The following PKHD1L1 variants were observed in gnomAD, a reference collection of about 807,000 sequenced individuals.
PKHD1L1 encodes the protein PKHD1 like 1, also known as fibrocystin-L.
Under a neutral mutation model 462.9 loss-of-function variants are expected in PKHD1L1, and 434 were observed. That is an observed-to-expected ratio of 0.94 (90% CI 0.87 to 1.02). PKHD1L1 has a LOEUF of 1.02. Among genes scored for constraint, PKHD1L1 ranks in the 50% least tolerant of loss-of-function variants. The pLI is 0.00. For missense variants in PKHD1L1, 5,202 were observed against 5,096.1 expected (o/e 1.02, Z -0.63); for synonymous variants, 1,781 against 1,750.0 (o/e 1.02, Z -0.44).
chr8:109,436,336 A>G lies in PKHD1L1; in HGVS notation c.3506-2A>G, dbSNP rs749914498. 6.2e-6 allele frequency: 10 copies of G among 1,606,364 alleles called. No individual in the cohort carries two copies. The South Asian group carries it at 1.1e-4, about 18-fold the overall frequency. ...TTGTTTTTGTTTGCTTTTCTTATGA[A>G]GGTGGTACTCTACTGACTTTATCTG... On this transcript the variant is annotated splice_acceptor_variant, in intron 29 of 77. Transcript: ENST00000378402. LOFTEE classifies it high-confidence loss of function.
At chr8:109,417,315 A>C (rs1814229119) in intron 21 of PKHD1L1, among the ~76,000 whole-genome samples, 1 of 152,182 alleles carries the variant, frequency 6.6e-6, no homozygotes, top group Non-Finnish European at 1.5e-5. Context: ...GTACCCCACA[A>C]ATATATACAC....
At chr8:109,389,647 C>T (rs919722603) in intron 8 of PKHD1L1, among the ~76,000 whole-genome samples, 12 of 152,028 alleles carry the variant, frequency 7.9e-5, no homozygotes, top group Admixed American at 5.2e-4. Flanking sequence ...TGTGCCTCAG[C>T]TTCCCGAGTA....
chr8:109,396,225 C>T, intron 11 of PKHD1L1, 88 bp downstream of exon 11: 1 of 937,568 alleles, frequency 1.1e-6, no homozygotes, highest in Non-Finnish European at 1.6e-6. Flanking sequence ...ATAGTCTTTT[C>T]TCAACTCATG....
At chr8:109,389,599 C>G (rs923619195) in intron 8 of PKHD1L1, among the ~76,000 whole-genome samples, 1 of 151,460 alleles carries the variant, frequency 6.6e-6, no homozygotes, top group Non-Finnish European at 1.5e-5. Flanking sequence ...GTGATCTTGG[C>G]TTACTGCAAC....
intron 2 of PKHD1L1, among the ~76,000 whole-genome samples, chr8:109,375,673 G>A (rs564740846): frequency 3.3e-5 from 5 of 152,186 alleles, no homozygotes; most frequent in Non-Finnish European, 4.4e-5. Context: ...GTACAGATGG[G>A]TTTTTGGTGT....
rs1821119552 is a variant in PKHD1L1 at position 109,535,132 on chromosome 8, G to A, written c.*5042G>A. 6.6e-6 allele frequency among the ~76,000 whole-genome samples: 1 copy of A among 151,852 alleles called. No homozygotes were observed. Among genetic ancestry groups the A allele is most frequent in the African/African-American group, 2.4e-5 (1 of 41,340 alleles). Reference sequence around the variant, plus strand: ...CAGCCTTAATGTTTGAAGTAGCAGTGTATAAAATTCACACCCAGTTATAGA... The same window carrying A: ...CAGCCTTAATGTTTGAAGTAGCAGTATATAAAATTCACACCCAGTTATAGA... On this transcript the variant is annotated 3_prime_UTR_variant, in exon 78 of 78. Coordinates refer to ENST00000378402, the MANE Select transcript of PKHD1L1 (RefSeq NM_177531.6).
Position 109,362,654 on chromosome 8 carries a change from G to A in PKHD1L1, c.73+1G>A. 2 of 1,599,048 alleles carry A rather than the reference G, an allele frequency of 1.3e-6. No homozygotes were observed. The highest frequency in any genetic ancestry group is 1.7e-6 in the Non-Finnish European group (2 of 1,172,752). ...CTGTGTGCCGCGGATCCCAGCACAG[G>A]TAACCCTTTGGGCACGCTAGGCAGG... On this transcript the variant is annotated splice_donor_variant, in intron 1 of 77. Transcript: ENST00000378402. LOFTEE classifies it high-confidence loss of function.
intron 16 of PKHD1L1, among the ~76,000 whole-genome samples, chr8:109,406,027 GTTAA>G (rs1255419728): frequency 6.6e-6 from 1 of 152,044 alleles, no homozygotes; most frequent in East Asian, 1.9e-4. Context: ...TGCTACTACT[GTTAA>G]TTGTTTTAAC....
At chr8:109,394,875 C>T (rs1046507462) in intron 10 of PKHD1L1, among the ~76,000 whole-genome samples, 1 of 152,162 alleles carries the variant, frequency 6.6e-6, no homozygotes, top group Non-Finnish European at 1.5e-5. Flanking sequence ...ATTATTACAT[C>T]GAAAATGCAT....
chr8:109,382,706 T>G, intron 4 of PKHD1L1, 135 bp downstream of exon 4: 1 of 535,946 alleles, frequency 1.9e-6, no homozygotes, highest in Non-Finnish European at 3.1e-6. Flanking sequence ...AAGGATAATT[T>G]CCCTCAATTT....
chr8:109,466,541 T>G (rs772559720), intron 49 of PKHD1L1, 37 bp from the exon 50 acceptor site: 1 of 1,517,458 alleles, frequency 6.6e-7, no homozygotes, highest in East Asian at 2.4e-5. Context: ...TTTCTTAATG[T>G]GAAATAAAAA....
chr8:109,364,646 C>CTAT lies in PKHD1L1; in HGVS notation c.163+11_163+12insATT. ...ACTATAAGAGGGGAAGGTATCGTTGCTTTTTTTTTTTTTTTTTTGCCAAGG... is the reference window on the plus strand; with the variant it reads ...ACTATAAGAGGGGAAGGTATCGTTGCTATTTTTTTTTTTTTTTTTTTGCCAAGG... On this transcript the variant is annotated intron_variant, in intron 2 of 77. Transcript: ENST00000378402. 9.7e-7 allele frequency: 1 copy of CTAT among 1,029,396 alleles called. No individual in the cohort carries two copies. Among genetic ancestry groups the CTAT allele is most frequent in the Non-Finnish European group, 1.3e-6 (1 of 759,972 alleles). 63.8% of individuals were successfully genotyped at this position (1,029,396 alleles called of 1,614,324 possible).
At chr8:109,505,496 G>C (rs1819643188) in intron 68 of PKHD1L1, among the ~76,000 whole-genome samples, 1 of 152,106 alleles carries the variant, frequency 6.6e-6, no homozygotes, top group African/African-American at 2.4e-5. Context: ...TAGAAGTACA[G>C]ACCAGAAATT....
intron 50 of PKHD1L1, 36 bp from the exon 51 acceptor site, chr8:109,475,082 A>T (rs756674333): frequency 1.3e-6 from 2 of 1,542,718 alleles, no homozygotes; most frequent in Non-Finnish European, 1.7e-6. Context: ...AGAGGTAGAG[A>T]TTACTATTAT....
intron 7 of PKHD1L1, 135 bp downstream of exon 7, chr8:109,388,685 C>A (rs182714045): frequency 6.1e-6 from 4 of 657,668 alleles, no homozygotes; most frequent in South Asian, 4.5e-5. Flanking sequence ...TTCCACATAG[C>A]GCATTAGCAA....
intron 34 of PKHD1L1, 87 bp from the exon 35 acceptor site, chr8:109,441,920 G>A (rs1240252293): frequency 9.0e-7 from 1 of 1,113,846 alleles, no homozygotes; most frequent in African/African-American, 1.6e-5. Flanking sequence ...TTTCACTACT[G>A]ACTGTATATA....
chr8:109,435,495 A>G, intron 29 of PKHD1L1, 141 bp downstream of exon 29: 5 of 911,930 alleles, frequency 5.5e-6, no homozygotes, highest in Non-Finnish European at 8.0e-6. Context: ...GAGAAGGTAC[A>G]GTGATTAAAT....
chr8:109,481,720 AT>A (rs1818285930), intron 56 of PKHD1L1, among the ~76,000 whole-genome samples, 158 bp downstream of exon 56: 8 of 151,948 alleles, frequency 5.3e-5, no homozygotes, highest in Admixed American at 5.3e-4. Context: ...AAATTTATTT[AT>A]TGTAAAGGGT....
rs1324900615 is a variant in PKHD1L1 at position 109,381,429 on chromosome 8, G to A, written c.223G>A (p.Val75Met). 1 of 1,584,060 alleles carries A rather than the reference G, an allele frequency of 6.3e-7. No homozygotes were observed. The highest frequency in any genetic ancestry group is 1.8e-5 in the Admixed American group (1 of 55,826). ...TGATAACGCTGAGTTGGGAAACAGT[G>A]TGCAATTAATTTCTTCTTTCCAGTC... ...GVDNAELGNS[V>M]QLISSFQSIT... Residue 75 changes from valine (V) to methionine (M), a missense_variant, in exon 3 of 78, where the codon GTG becomes ATG. By Grantham distance (21) the Val-to-Met change is conservative. Around this residue, in one of 3 missense-constraint regions of PKHD1L1, gnomAD observed 4,497 missense variants for 4,336.8 expected, o/e 1.04. Coordinates refer to ENST00000378402, the MANE Select transcript of PKHD1L1 (RefSeq NM_177531.6).
Sources: gnomAD v4.1 joint callset for allele counts (sites outside exome capture counted in the v4.1 genomes callset) on GRCh38, gnomAD v4.1.1 for gene constraint, gnomAD v4.1.1 regional missense constraint, MANE v1.5 for transcripts, NCBI Gene and HGNC (gene_info 2026-07-23, HGNC 2026-07-21) for gene names.